The following PUS7 variants were observed in gnomAD, a reference collection of about 807,000 sequenced individuals.
PUS7 encodes pseudouridylate synthase 7 homolog.
In PUS7, 48 loss-of-function variants were observed where a neutral mutation model predicts 79.8. The ratio of observed to expected loss-of-function variants is 0.60; its 90% CI spans 0.48 to 0.76. PUS7 has a LOEUF of 0.76. PUS7 is among the 30% of genes least tolerant of loss of function. The probability of loss-of-function intolerance (pLI) is 0.00; values close to 1 mark genes in which losing one functional copy is unlikely to be tolerated. For missense variants in PUS7, 729 were observed against 797.6 expected (o/e 0.91, Z 1.04); for synonymous variants, 286 against 272.2 (o/e 1.05, Z -0.50).
At chr7:105,489,485 C>A (rs1257061127) in intron 7 of PUS7, among the ~76,000 whole-genome samples, 1 of 152,104 alleles carries the variant, frequency 6.6e-6, no homozygotes, top group Admixed American at 6.6e-5. Context: ...GCAAATGACT[C>A]CACATTCTAT....
chr7:105,501,723 A>T (rs1217459121), intron 5 of PUS7, among the ~76,000 whole-genome samples: 1 of 152,036 alleles, frequency 6.6e-6, no homozygotes, highest in Non-Finnish European at 1.5e-5. Flanking sequence ...TGGGAGGCCG[A>T]GACGGGTGGA....
chr7:105,490,620 C>T (rs1313269259), intron 7 of PUS7, among the ~76,000 whole-genome samples: 1 of 152,212 alleles, frequency 6.6e-6, no homozygotes, highest in African/African-American at 2.4e-5. Flanking sequence ...TCAGGATCTA[C>T]ATCCTGCCTA....
At chr7:105,494,402 ATTTTTT>A (rs756519297) in intron 6 of PUS7, among the ~76,000 whole-genome samples, 1 of 87,812 alleles carries the variant, frequency 1.1e-5, no homozygotes, top group South Asian at 5.2e-4. Flanking sequence ...ATGATCAGTG[ATTTTTT>A]TTTTTTTTTT....
intron 15 of PUS7, 131 bp downstream of exon 15, chr7:105,459,037 G>C (rs1823307326): frequency 6.0e-6 from 3 of 501,852 alleles, no homozygotes. Context: ...GTGAAAGTAA[G>C]GTCATAAAAC....
At chr7:105,521,760 G>A (rs1467109871) in intron 1 of PUS7, among the ~76,000 whole-genome samples, 6 of 152,144 alleles carry the variant, frequency 3.9e-5, no homozygotes, top group Non-Finnish European at 8.8e-5. Flanking sequence ...CGGGGAGGAG[G>A]GGAGCGCTCG....
At chr7:105,473,721 T>C (rs574386474) in intron 9 of PUS7, among the ~76,000 whole-genome samples, 1 of 152,202 alleles carries the variant, frequency 6.6e-6, no homozygotes, top group African/African-American at 2.4e-5. Flanking sequence ...GCCCGGCCAA[T>C]TTTTGTATTT....
At chr7:105,505,150 G>C (rs1028456742) in intron 4 of PUS7, among the ~76,000 whole-genome samples, 1 of 151,652 alleles carries the variant, frequency 6.6e-6, no homozygotes, top group South Asian at 2.1e-4. Flanking sequence ...ACAGGCCTGC[G>C]CTACCACGCT....
chr7:105,502,372 T>G lies in PUS7; in HGVS notation c.730+48A>C, dbSNP rs369742146. 9.3e-6 allele frequency: 15 copies of G among 1,609,900 alleles called. No homozygotes were observed. The African/African-American group carries it at 1.7e-4, about 19-fold the overall frequency. On this transcript the variant is annotated intron_variant, in intron 5 of 15. Transcript: ENST00000469408. ...GGCAAGGCTAACGAGGAGCGGGGCC[T>G]GCCGCTCACGGCTGCCTGGCAGGAG...
intron 1 of PUS7, among the ~76,000 whole-genome samples, chr7:105,519,446 G>A (rs922341970): frequency 1.8e-4 from 27 of 152,016 alleles, no homozygotes; most frequent in Non-Finnish European, 3.8e-4. Context: ...CGCCATGTTG[G>A]CCAGGATGGT....
chr7:105,460,333 G>T (rs1323375200), intron 14 of PUS7, among the ~76,000 whole-genome samples: 1 of 152,136 alleles, frequency 6.6e-6, no homozygotes, highest in Non-Finnish European at 1.5e-5. Context: ...TCCAGACTGG[G>T]TGCCACAACC....
At chr7:105,464,354 T>G (rs1823552516) in intron 13 of PUS7, among the ~76,000 whole-genome samples, 1 of 152,092 alleles carries the variant, frequency 6.6e-6, no homozygotes, top group South Asian at 2.1e-4. Flanking sequence ...GGTTTGGCAT[T>G]TGATTAGAGT....
intron 5 of PUS7, chr7:105,497,064 G>T: frequency 1.0e-6 from 1 of 994,634 alleles, no homozygotes; most frequent in Non-Finnish European, 1.3e-6. Context: ...ATGATCGCAT[G>T]GTTAAGTTTA....
chr7:105,475,337 C>T (rs935407049), intron 9 of PUS7, among the ~76,000 whole-genome samples: 37 of 152,280 alleles, frequency 2.4e-4, no homozygotes, highest in South Asian at 4.1e-4. Flanking sequence ...AGGCGCGCGC[C>T]ACCACGCCTG....
At chr7:105,460,581 G>A (rs1034932669) in intron 14 of PUS7, among the ~76,000 whole-genome samples, 8 of 152,050 alleles carry the variant, frequency 5.3e-5, no homozygotes, top group South Asian at 2.1e-4. Context: ...GAGGCCGGGC[G>A]CGGTGGCTCA....
chr7:105,492,225 G>C (rs1010568915), intron 6 of PUS7, among the ~76,000 whole-genome samples: 11 of 152,018 alleles, frequency 7.2e-5, no homozygotes, highest in African/African-American at 2.7e-4. Context: ...CTATGATGGT[G>C]CCTGTGAACA....
chr7:105,497,056 G>A, intron 5 of PUS7: 1 of 1,025,690 alleles, frequency 9.7e-7, no homozygotes, highest in Non-Finnish European at 1.2e-6. Context: ...ACATGCAAAT[G>A]ATCGCATGGT....
intron 9 of PUS7, among the ~76,000 whole-genome samples, chr7:105,474,244 A>G (rs1440223913): frequency 6.6e-6 from 1 of 152,184 alleles, no homozygotes; most frequent in African/African-American, 2.4e-5. Context: ...TATCGATGAC[A>G]TCACCTGGAT....
At chr7:105,464,914 G>A (rs1823576777) in intron 13 of PUS7, among the ~76,000 whole-genome samples, 1 of 148,936 alleles carries the variant, frequency 6.7e-6, no homozygotes, top group Non-Finnish European at 1.5e-5. Context: ...TGCCTCCTGG[G>A]CTCAAGATAT....
At chr7:105,481,367 A>G (rs1347115731) in intron 8 of PUS7, among the ~76,000 whole-genome samples, 190 bp from the exon 9 acceptor site, 1 of 152,178 alleles carries the variant, frequency 6.6e-6, no homozygotes, top group African/African-American at 2.4e-5. Flanking sequence ...TTACTATTTT[A>G]GCCATTTTTA....
Sources: gnomAD v4.1 joint callset for allele counts (sites outside exome capture counted in the v4.1 genomes callset) on GRCh38, gnomAD v4.1.1 for gene constraint, MANE v1.5 for transcripts, NCBI Gene and HGNC (gene_info 2026-07-23, HGNC 2026-07-21) for gene names.